SV2C: variants seen among roughly 807,000 people sequenced by gnomAD.
The protein encoded by SV2C is solute carrier family 22 member B3.
A neutral mutation model predicts 79.7 loss-of-function variants in SV2C; 49 were observed. The observed-to-expected ratio is 0.61, with a 90% CI of 0.49 to 0.78. The LOEUF (loss-of-function observed/expected upper bound fraction) is 0.78. Ranked by LOEUF, SV2C falls within the 30% of genes least tolerant of loss-of-function variation. SV2C has a pLI of 0.00. For missense variants in SV2C, 833 were observed against 912.9 expected, an observed-to-expected ratio of 0.91 and a Z score of 1.13; for synonymous variants, 334 against 333.2, an observed-to-expected ratio of 1.00 and a Z score of -0.03.
chr5:75,933,589 C>T, the SV2C span, among the ~76,000 whole-genome samples: 1 of 152,160 alleles, frequency 6.6e-6, no homozygotes, highest in African/African-American at 2.4e-5. Flanking sequence ...TACCCTAGGG[C>T]AGGACCATCA....
At chr5:76,232,797 T>C (rs1745468174) in intron 4 of SV2C, among the ~76,000 whole-genome samples, 1 of 143,652 alleles carries the variant, frequency 7.0e-6, no homozygotes, top group Non-Finnish European at 1.5e-5. Context: ...CATTGATCTA[T>C]ATCTCTGTTT....
intron 2 of SV2C, among the ~76,000 whole-genome samples, chr5:76,193,214 A>T (rs1744161519): frequency 6.6e-6 from 1 of 152,208 alleles, no homozygotes; most frequent in Non-Finnish European, 1.5e-5. Flanking sequence ...TGATCCCAGG[A>T]GGCCATTCTG....
chr5:75,949,639 T>G, the SV2C span, among the ~76,000 whole-genome samples: 15 of 152,018 alleles, frequency 9.9e-5, no homozygotes, highest in East Asian at 2.9e-3. Context: ...TTATAAGGGG[T>G]TTTGCCTCTT....
At chr5:75,987,928 G>T in the SV2C span, among the ~76,000 whole-genome samples, 1 of 151,916 alleles carries the variant, frequency 6.6e-6, no homozygotes, top group African/African-American at 2.4e-5. Flanking sequence ...TATGACCTAA[G>T]GCAAGTTATT....
At chr5:76,285,351 T>C (rs1747318547) in intron 5 of SV2C, 56 bp downstream of exon 5, 1 of 1,598,960 alleles carries the variant, frequency 6.3e-7, no homozygotes, top group Non-Finnish European at 8.5e-7. Context: ...AAAAAGTTCC[T>C]TGTTAATTCT....
intron 2 of SV2C, among the ~76,000 whole-genome samples, chr5:76,146,796 TTAAAAAAAAAAAA>T (rs910826782): frequency 3.0e-5 from 2 of 67,102 alleles, no homozygotes; most frequent in African/African-American, 1.6e-4. Context: ...GAGTTTTTTT[TTAAAAAAAAAAAA>T]AAAAAAAAAA....
the SV2C span, among the ~76,000 whole-genome samples, chr5:75,928,516 A>C: frequency 2.0e-5 from 3 of 152,182 alleles, no homozygotes; most frequent in Non-Finnish European, 2.9e-5. Context: ...GGGGTCTATG[A>C]ACTCCCTGCA....
the SV2C span, among the ~76,000 whole-genome samples, chr5:75,899,219 T>G: frequency 6.6e-6 from 1 of 152,242 alleles, no homozygotes; most frequent in Non-Finnish European, 1.5e-5. Context: ...GCTATAAATT[T>G]CCCTCTACAC....
At chr5:76,189,741 A>T (rs1356703464) in intron 2 of SV2C, among the ~76,000 whole-genome samples, 2 of 152,124 alleles carry the variant, frequency 1.3e-5, no homozygotes, top group Non-Finnish European at 2.9e-5. Context: ...AAGTTTCTTT[A>T]AAGTGGAGTG....
the SV2C span, chr5:75,920,588 C>T: frequency 1.9e-6 from 1 of 533,618 alleles, no homozygotes; most frequent in East Asian, 3.3e-5. Context: ...TCTGATAGTG[C>T]ATGTGGACCT....
At chr5:75,987,183 C>A in the SV2C span, among the ~76,000 whole-genome samples, 3 of 151,900 alleles carry the variant, frequency 2.0e-5, no homozygotes, top group Non-Finnish European at 4.4e-5. Context: ...AGTCTTATGC[C>A]TCCTGCCAGC....
chr5:75,900,976 A>G, the SV2C span, among the ~76,000 whole-genome samples: 1 of 152,120 alleles, frequency 6.6e-6, no homozygotes, highest in African/African-American at 2.4e-5. Context: ...TATTCTAGTT[A>G]TACATTTGTC....
chr5:76,079,103 C>T, upstream of SV2C: 1 of 365,490 alleles, frequency 2.7e-6, no homozygotes, highest in Non-Finnish European at 5.5e-6. Flanking sequence ...AATGAAGATT[C>T]ACCTTATTGG....
At chr5:76,061,445 A>G in the SV2C span, among the ~76,000 whole-genome samples, 1 of 152,112 alleles carries the variant, frequency 6.6e-6, no homozygotes, top group Non-Finnish European at 1.5e-5. Context: ...TACCAAAATC[A>G]AATAACTAAA....
the SV2C span, among the ~76,000 whole-genome samples, chr5:76,072,613 G>A: frequency 6.6e-6 from 1 of 152,050 alleles, no homozygotes; most frequent in Non-Finnish European, 1.5e-5. Flanking sequence ...TTTTTCTCTG[G>A]GTAGATACCC....
At chr5:75,850,182 A>C in the SV2C span, among the ~76,000 whole-genome samples, 3 of 152,214 alleles carry the variant, frequency 2.0e-5, no homozygotes, top group Non-Finnish European at 2.9e-5. Context: ...CAAGCTGTTC[A>C]TAAGCAGATT....
chr5:76,043,447 A>G, the SV2C span, among the ~76,000 whole-genome samples: 16 of 152,322 alleles, frequency 1.1e-4, no homozygotes, highest in African/African-American at 2.6e-4. Context: ...ACTCATAGCT[A>G]GTAACCCAGA....
the SV2C span, among the ~76,000 whole-genome samples, chr5:75,881,025 G>A: frequency 1.3e-5 from 2 of 152,262 alleles, no homozygotes; most frequent in South Asian, 2.1e-4. Flanking sequence ...GAACAAAAGA[G>A]TGAGTGGAGA....
the SV2C span, among the ~76,000 whole-genome samples, chr5:76,013,717 A>G: frequency 2.0e-5 from 3 of 152,296 alleles, no homozygotes; most frequent in South Asian, 6.2e-4. Context: ...AAGTATGTAA[A>G]TAATCAAGCA....
Sources: allele counts gnomAD v4.1 joint callset (sites outside exome capture counted in the v4.1 genomes callset), GRCh38; gene constraint gnomAD v4.1.1; transcripts MANE v1.5; gene names NCBI Gene and HGNC (gene_info 2026-07-23, HGNC 2026-07-21).